Variants in PRDM16 observed in about 807,000 individuals in gnomAD.
PRDM16 encodes the protein histone-lysine N-methyltransferase PRDM16.
In PRDM16, 23 loss-of-function variants were observed where a neutral mutation model predicts 110.6. That is an observed-to-expected ratio of 0.21 (90% CI 0.15 to 0.29). PRDM16 has a LOEUF of 0.29. Among genes scored for constraint, PRDM16 ranks in the 10% least tolerant of loss-of-function variants. The pLI is 1.00. For synonymous variants in PRDM16, 799 were observed against 781.8 expected (o/e 1.02, Z -0.37); for missense variants, 1,615 against 1,794.3 (o/e 0.90, Z 1.81).
At chr1:3,098,072 G>A (rs372862038) in intron 1 of PRDM16, among the ~76,000 whole-genome samples, 78 of 152,256 alleles carry the variant, frequency 5.1e-4, no homozygotes, top group South Asian at 2.3e-3. Flanking sequence ...GCCCTTGTGC[G>A]GCTCCTTCCC....
Position 3,426,085 on chromosome 1 carries a change from G to A in PRDM16, c.3144G>A (p.Leu1048=). The change falls in exon 14 of 17, where the codon CTG becomes CTA. Residue 1048 remains leucine, a synonymous_variant. Coordinates refer to ENST00000270722, the MANE Select transcript of PRDM16 (RefSeq NM_022114.4). ...ACCCCGGGGTCCTCACGAACCACCT[G>A]GGGACCAGCGCGTCCTCTCCCACCT... ...SQHPGVLTNH[L]GTSASSPTSE... 2 of 1,613,808 alleles carry A rather than the reference G, an allele frequency of 1.2e-6. No homozygotes were observed. Among genetic ancestry groups the A allele is most frequent in the South Asian group, 1.1e-5 (1 of 91,070 alleles).
intron 4 of PRDM16, among the ~76,000 whole-genome samples, chr1:3,392,188 C>T (rs1251669196): frequency 6.6e-6 from 1 of 152,184 alleles, no homozygotes; most frequent in South Asian, 2.1e-4. Flanking sequence ...CAAAGAATTC[C>T]GATTCCACTG....
chr1:3,173,638 C>T lies in PRDM16; in HGVS notation c.38-12487C>T, dbSNP rs555343634. Among the ~76,000 whole-genome samples, 152 of 152,310 alleles carry T rather than the reference C, an allele frequency of 1.0e-3. 1 individual carries two copies. The highest frequency in any genetic ancestry group is 3.3e-3 in the African/African-American group (139 of 41,580). On this transcript the variant is annotated intron_variant, in intron 1 of 16. Coordinates refer to ENST00000270722, the MANE Select transcript of PRDM16 (RefSeq NM_022114.4). ...TCTGTGCAGCGCAGCCAGGCCCACC[C>T]GCCTGCCCCAGAGGCGTGGGCTGCG...
intron 1 of PRDM16, among the ~76,000 whole-genome samples, chr1:3,114,217 G>T (rs1175064639): frequency 2.2e-5 from 2 of 90,122 alleles, no homozygotes; most frequent in African/African-American, 5.3e-5. Flanking sequence ...ACACGCACAC[G>T]AACACACACG....
chr1:3,401,626 C>T (rs973493874), intron 5 of PRDM16, among the ~76,000 whole-genome samples: 5 of 151,412 alleles, frequency 3.3e-5, no homozygotes, highest in Non-Finnish European at 5.9e-5. Flanking sequence ...TGTGCGTGTT[C>T]ACACACATAT....
At chr1:3,122,584 C>A (rs2817171) in intron 1 of PRDM16, among the ~76,000 whole-genome samples, 29,681 of 152,028 alleles carry the variant, frequency 0.2, 3,200 homozygotes, top group African/African-American at 0.27. Flanking sequence ...CAAGTGCCCG[C>A]AAGAGGAAGA....
chr1:3,404,631 G>A lies in PRDM16; in HGVS notation c.885-108G>A, dbSNP rs118002732. 1.4e-4 allele frequency: 189 copies of A among 1,352,110 alleles called. 1 individual carries two copies. The East Asian group carries it at 3.5e-3, about 25-fold the overall frequency. 83.8% of individuals were successfully genotyped at this position (1,352,110 alleles called of 1,614,324 possible). A position where few individuals can be genotyped will look rare whatever the true frequency, so the allele number is the denominator to read the frequency against. On this transcript the variant is annotated intron_variant, in intron 6 of 16. Transcript: ENST00000270722. ...GCATGTGCTCTGATCCCTCGGCAGC[G>A]TGGTGGGGGCTCCGAAGGGGCACTG...
intron 1 of PRDM16, among the ~76,000 whole-genome samples, chr1:3,118,924 CT>C (rs974707431): frequency 1.4e-4 from 21 of 152,240 alleles, no homozygotes; most frequent in African/African-American, 3.9e-4. Flanking sequence ...GGAGAGCCCC[CT>C]GCCCGACCTT....
At chr1:3,334,135 C>T (rs1642098842) in intron 3 of PRDM16, among the ~76,000 whole-genome samples, 1 of 152,226 alleles carries the variant, frequency 6.6e-6, no homozygotes, top group Non-Finnish European at 1.5e-5. Flanking sequence ...CAGCTGCTTC[C>T]TCAGCTGCCA....
chr1:3,276,524 C>G (rs1457159242), intron 3 of PRDM16, among the ~76,000 whole-genome samples: 1 of 152,244 alleles, frequency 6.6e-6, no homozygotes, highest in Non-Finnish European at 1.5e-5. Context: ...CGGACCCGCC[C>G]GCAGGAAGGC....
rs367839377 is a variant in PRDM16, at chr1:3,239,785, C to CAA, written c.388-4297_388-4296dup. Among the ~76,000 whole-genome samples, 345 of 151,898 alleles carry CAA rather than the reference C, an allele frequency of 2.3e-3. 2 individuals carry two copies. The highest frequency in any genetic ancestry group is 7.8e-3 in the African/African-American group (324 of 41,350). ...ACAACATAGTGAGACCCTGTCTCTA[C>CAA]AAAAAATACAAAAAATTAGCCAGAC... On this transcript the variant is annotated intron_variant, in intron 2 of 16. Transcript: ENST00000270722.
At chr1:3,135,774 C>T (rs1643425654) in intron 1 of PRDM16, among the ~76,000 whole-genome samples, 1 of 152,230 alleles carries the variant, frequency 6.6e-6, no homozygotes, top group African/African-American at 2.4e-5. Context: ...TTAGGACAAA[C>T]CTCCTCGGAG....
intron 1 of PRDM16, among the ~76,000 whole-genome samples, chr1:3,151,648 C>T (rs374955057): frequency 7.2e-5 from 11 of 152,374 alleles, no homozygotes; most frequent in East Asian, 3.9e-4. Context: ...CTAGCCCCAC[C>T]GCCGTTCTGG....
At chr1:3,428,273 TGCAG>T (rs1638670746) in intron 14 of PRDM16, among the ~76,000 whole-genome samples, 1 of 149,010 alleles carries the variant, frequency 6.7e-6, no homozygotes. Context: ...CCGGCCGCGC[TGCAG>T]GAGACCCACC....
chr1:3,367,078 G>A (rs954420785), intron 3 of PRDM16, among the ~76,000 whole-genome samples: 2 of 152,312 alleles, frequency 1.3e-5, no homozygotes, highest in East Asian at 1.9e-4. Flanking sequence ...GACCAGTCTG[G>A]CCAACATGGT....
chr1:3,311,060 G>C (rs1220118857), intron 3 of PRDM16, among the ~76,000 whole-genome samples: 1 of 152,206 alleles, frequency 6.6e-6, no homozygotes, highest in Admixed American at 6.5e-5. Context: ...GGAGTCCTCA[G>C]CTGAACCCGG....
intron 3 of PRDM16, among the ~76,000 whole-genome samples, chr1:3,293,922 C>A (rs746040820): frequency 3.7e-4 from 56 of 152,146 alleles, no homozygotes; most frequent in Non-Finnish European, 6.6e-4. Context: ...CTCGTGGGTG[C>A]CGGCAGTGTG....
chr1:3,269,073 G>A (rs1039528598), intron 3 of PRDM16, among the ~76,000 whole-genome samples: 13 of 143,896 alleles, frequency 9.0e-5, no homozygotes, highest in Non-Finnish European at 1.8e-4. Context: ...GCTCCCAGGT[G>A]GGGAACAGAA....
Position 3,157,160 on chromosome 1 carries a change from G to A in PRDM16, c.38-28965G>A, listed in dbSNP as rs772531086. Among the ~76,000 whole-genome samples, 9 of 152,150 alleles carry A rather than the reference G, an allele frequency of 5.9e-5. No individual in the cohort carries two copies. Among genetic ancestry groups the A allele is most frequent in the Non-Finnish European group, 8.8e-5 (6 of 68,012 alleles). ...CGGGCTCAGCCTGGGCGGCTCAGAGGGCGGGACCTGGAGAAGGAGGGCCGC... is the reference window on the plus strand; with the variant it reads ...CGGGCTCAGCCTGGGCGGCTCAGAGAGCGGGACCTGGAGAAGGAGGGCCGC... On this transcript the variant is annotated intron_variant, in intron 1 of 16. Transcript: ENST00000270722. This position sits in a 1 kb window ranked among gnomAD's most constrained non-coding sequence, Gnocchi z 4.8.
Sources: gnomAD v4.1 joint callset for allele counts (sites outside exome capture counted in the v4.1 genomes callset) on GRCh38, gnomAD v4.1.1 for gene constraint, Gnocchi (gnomAD v3.1) non-coding constraint, MANE v1.5 for transcripts, NCBI Gene and HGNC (gene_info 2026-07-23, HGNC 2026-07-21) for gene names.